TUBB8B: variants seen among roughly 807,000 people sequenced by gnomAD.
TUBB8B encodes HSA18p11 beta-tubulin 4Q pseudogene.
TUBB8B carries 26 observed loss-of-function variants against 31.9 expected under a neutral mutation model. That is an observed-to-expected ratio of 0.81 (90% CI 0.60 to 1.13). TUBB8B has a LOEUF of 1.13. Ranked by LOEUF, TUBB8B falls within the 50% of genes most tolerant of loss-of-function variation. The pLI, the probability that TUBB8B is intolerant of heterozygous loss-of-function variation, is 0.00. For missense variants in TUBB8B, 467 were observed against 586.7 expected (o/e 0.80, Z 2.11); for synonymous variants, 173 against 231.0 (o/e 0.75, Z 2.28).
the TUBB8B span, among the ~76,000 whole-genome samples, chr18:63,470 G>A: frequency 6.6e-6 from 1 of 151,162 alleles, no homozygotes; most frequent in Non-Finnish European, 1.5e-5. Flanking sequence ...TAAGCCATGT[G>A]GAGCTGGAGT....
chr18:63,461 A>G, the TUBB8B span, among the ~76,000 whole-genome samples: 14 of 151,358 alleles, frequency 9.2e-5, no homozygotes, highest in East Asian at 7.8e-4. Flanking sequence ...TTTCTGTGCT[A>G]AGCCATGTGG....
the TUBB8B span, among the ~76,000 whole-genome samples, chr18:63,675 A>ACCCTAACCCTAAC: frequency 6.8e-6 from 1 of 146,594 alleles, no homozygotes; most frequent in African/African-American, 2.6e-5. Flanking sequence ...CTTAGCCCTA[A>ACCCTAACCCTAAC]CCCTAACCCT....
chr18:63,892 ACCCTAC>A, the TUBB8B span, among the ~76,000 whole-genome samples: 3 of 139,900 alleles, frequency 2.1e-5, no homozygotes, highest in Non-Finnish European at 4.7e-5. Context: ...CCTAACCCTA[ACCCTAC>A]CCCTAACCCC....
the TUBB8B span, among the ~76,000 whole-genome samples, chr18:63,681 A>ACCCTAAC: frequency 3.4e-5 from 5 of 146,772 alleles, no homozygotes; most frequent in East Asian, 2.0e-4. Context: ...CCTAACCCTA[A>ACCCTAAC]CCCTAACCCC....
chr18:63,913 C>A, the TUBB8B span, among the ~76,000 whole-genome samples: 2 of 150,164 alleles, frequency 1.3e-5, no homozygotes, highest in African/African-American at 2.5e-5. Flanking sequence ...AACCCCAAAC[C>A]CTAACCCTAG....
chr18:72,196 A>AAAAAAAAAAAAAAAAAAAAC, the TUBB8B span, among the ~76,000 whole-genome samples: 1,364 of 83,948 alleles, frequency 0.016, 190 homozygotes, highest in East Asian at 0.17. Context: ...AAAAAAAAAA[A>AAAAAAAAAAAAAAAAAAAAC]AAAGGAAAAA....
chr18:57,307 C>T, the TUBB8B span, among the ~76,000 whole-genome samples: 1 of 151,718 alleles, frequency 6.6e-6, no homozygotes, highest in Non-Finnish European at 1.5e-5. Context: ...AAATTAAGTG[C>T]TTCCAAGATA....
At chr18:65,744 T>C in the TUBB8B span, among the ~76,000 whole-genome samples, 1 of 152,118 alleles carries the variant, frequency 6.6e-6, no homozygotes, top group African/African-American at 2.4e-5. Context: ...CTTATATGTG[T>C]TTGGAAGCAG....
the TUBB8B span, among the ~76,000 whole-genome samples, chr18:63,109 T>C: frequency 6.6e-6 from 1 of 151,890 alleles, no homozygotes; most frequent in Non-Finnish European, 1.5e-5. Context: ...CACATATCTC[T>C]ATTTTTCCAG....
At chr18:56,483 TCTC>T in the TUBB8B span, among the ~76,000 whole-genome samples, 1 of 151,840 alleles carries the variant, frequency 6.6e-6, no homozygotes. Flanking sequence ...TTTTTTGTCT[TCTC>T]TTTCATTTCT....
At chr18:58,131 A>C in the TUBB8B span, among the ~76,000 whole-genome samples, 1 of 145,426 alleles carries the variant, frequency 6.9e-6, no homozygotes, top group African/African-American at 2.5e-5. Context: ...CCTCTTCCCC[A>C]TTGTCTTGGC....
At chr18:49,622 G>A (rs1019054902), upstream of TUBB8B, 6 of 752,892 alleles carry the variant, frequency 8.0e-6, no homozygotes, top group Admixed American at 2.1e-5. Flanking sequence ...CAGCGACCCA[G>A]CCCGCCCTCC....
the TUBB8B span, among the ~76,000 whole-genome samples, chr18:71,980 C>T: frequency 6.6e-6 from 1 of 152,000 alleles, no homozygotes; most frequent in African/African-American, 2.4e-5. Context: ...AGTGCAAGAC[C>T]AGCCTGGCCA....
chr18:62,153 T>C, the TUBB8B span, among the ~76,000 whole-genome samples: 1,121 of 151,868 alleles, frequency 7.4e-3, 20 homozygotes, highest in African/African-American at 0.026. Context: ...TTTTTTAATA[T>C]GTCATGCCAC....
the TUBB8B span, among the ~76,000 whole-genome samples, chr18:72,196 A>AAAAAAAACAAAAAAAACAAC: frequency 1.2e-5 from 1 of 84,534 alleles, no homozygotes; most frequent in Non-Finnish European, 2.4e-5. Flanking sequence ...AAAAAAAAAA[A>AAAAAAAACAAAAAAAACAAC]AAAGGAAAAA....
At chr18:60,873 T>C in the TUBB8B span, among the ~76,000 whole-genome samples, 1 of 151,706 alleles carries the variant, frequency 6.6e-6, no homozygotes, top group African/African-American at 2.4e-5. Context: ...TGTTACATAA[T>C]ATATGGTCTA....
At chr18:61,240 T>C in the TUBB8B span, among the ~76,000 whole-genome samples, 1 of 151,684 alleles carries the variant, frequency 6.6e-6, no homozygotes, top group Non-Finnish European at 1.5e-5. Context: ...TGTTGAAATC[T>C]ATTTTTGTAT....
chr18:54,995 C>T, the TUBB8B span, among the ~76,000 whole-genome samples: 11,852 of 113,028 alleles, frequency 0.1, 3 homozygotes, highest in African/African-American at 0.21. Flanking sequence ...AAATTTTTGT[C>T]CACTCTTTAA....
chr18:57,796 A>G, the TUBB8B span, among the ~76,000 whole-genome samples: 1 of 151,830 alleles, frequency 6.6e-6, no homozygotes, highest in African/African-American at 2.4e-5. Flanking sequence ...CTGCCTGCAC[A>G]CCCTAGCTTT....
Sources: gnomAD v4.1 joint callset for allele counts (sites outside exome capture counted in the v4.1 genomes callset) on GRCh38, gnomAD v4.1.1 for gene constraint, MANE v1.5 for transcripts, NCBI Gene and HGNC (gene_info 2026-07-23, HGNC 2026-07-21) for gene names.